The following SDC2 variants were observed in gnomAD, a reference collection of about 807,000 sequenced individuals.
The protein encoded by SDC2 is syndecan 2.
SDC2 carries 13 observed loss-of-function variants against 22.2 expected under a neutral mutation model. That is an observed-to-expected ratio of 0.59 (90% CI 0.38 to 0.93). SDC2 has a LOEUF of 0.93. Among genes scored for constraint, SDC2 ranks in the 40% least tolerant of loss-of-function variants. The pLI is 0.00. For missense variants in SDC2, 235 were observed against 246.8 expected (o/e 0.95, Z 0.32); for synonymous variants, 94 against 92.8 (o/e 1.01, Z -0.07).
In SDC2 at chr8:96,533,723, C is replaced by T. The variant is rs901682463; in HGVS notation, c.60+39392C>T. On this transcript the variant is annotated intron_variant, in intron 1 of 4. Coordinates refer to ENST00000302190, the MANE Select transcript of SDC2 (RefSeq NM_002998.4). ...GTGCTGATTGGTGTATCTGCAATCCCTTAGCTAGACATAAAGGTTCTCCAA... is the reference window on the plus strand; with the variant it reads ...GTGCTGATTGGTGTATCTGCAATCCTTTAGCTAGACATAAAGGTTCTCCAA... Among the ~76,000 whole-genome samples the T allele has an allele frequency of 7.9e-5, 12 of 152,192 alleles. No homozygotes were observed. In the East Asian group the frequency reaches 2.1e-3, roughly 27 times the overall value.
intron 2 of SDC2, among the ~76,000 whole-genome samples, chr8:96,599,187 G>A (rs796817029): frequency 3.6e-4 from 54 of 151,988 alleles, no homozygotes; most frequent in African/African-American, 1.2e-3. Context: ...GTGACCCACC[G>A]GCCTCGGCCT....
At chr8:96,571,021 C>T (rs555445927) in intron 1 of SDC2, among the ~76,000 whole-genome samples, 29 of 152,238 alleles carry the variant, frequency 1.9e-4, no homozygotes, top group Non-Finnish European at 2.6e-4. Flanking sequence ...TACTGAATGC[C>T]GCTGAACTAT....
chr8:96,570,370 T>G (rs1426491220), intron 1 of SDC2, among the ~76,000 whole-genome samples: 1 of 152,166 alleles, frequency 6.6e-6, no homozygotes, highest in Non-Finnish European at 1.5e-5. Context: ...TTAAAGACAT[T>G]TGTCTAGAAA....
intron 1 of SDC2, among the ~76,000 whole-genome samples, chr8:96,546,826 C>A (rs1443688743): frequency 6.6e-6 from 1 of 152,216 alleles, no homozygotes; most frequent in African/African-American, 2.4e-5. Context: ...ACGGTTAGCA[C>A]TCTAACCATG....
At chr8:96,540,509 CAAA>C (rs537444852) in intron 1 of SDC2, among the ~76,000 whole-genome samples, 1 of 133,408 alleles carries the variant, frequency 7.5e-6, no homozygotes, top group African/African-American at 2.8e-5. Flanking sequence ...ACCCCGCCTC[CAAA>C]AAAAAAAAAA....
chr8:96,542,514 C>T (rs1813867954), intron 1 of SDC2, among the ~76,000 whole-genome samples: 1 of 152,096 alleles, frequency 6.6e-6, no homozygotes, highest in Non-Finnish European at 1.5e-5. Context: ...CTTCTGTTTA[C>T]AGCAGAGAAG....
intron 1 of SDC2, among the ~76,000 whole-genome samples, chr8:96,535,912 G>A (rs919813307): frequency 2.0e-5 from 3 of 152,288 alleles, no homozygotes; most frequent in African/African-American, 7.2e-5. Context: ...AGTTAAGTAT[G>A]ACATGAGGCA....
intron 1 of SDC2, among the ~76,000 whole-genome samples, chr8:96,588,419 G>T (rs1353833924): frequency 6.6e-6 from 1 of 152,176 alleles, no homozygotes; most frequent in African/African-American, 2.4e-5. Context: ...TACAATGTGT[G>T]TTGCTAGTAA....
At chr8:96,602,273 A>G in intron 2 of SDC2, 122 bp from the exon 3 acceptor site, 1 of 1,032,958 alleles carries the variant, frequency 9.7e-7, no homozygotes, top group South Asian at 1.6e-5. Context: ...CTGAAGTCTT[A>G]AAGAGCCAGC....
chr8:96,497,557 T>A (rs896467651), intron 1 of SDC2, among the ~76,000 whole-genome samples: 2 of 152,184 alleles, frequency 1.3e-5, no homozygotes, highest in Non-Finnish European at 2.9e-5. Flanking sequence ...AATCATTAGT[T>A]TGGAAAGGAT....
intron 3 of SDC2, among the ~76,000 whole-genome samples, chr8:96,606,113 G>A (rs1202883960): frequency 6.6e-6 from 1 of 152,132 alleles, no homozygotes; most frequent in Non-Finnish European, 1.5e-5. Flanking sequence ...GTAGAGCTGA[G>A]AAGGATTATT....
At chr8:96,585,853 GTTTTTTTTTTTTTTTT>G (rs199970598) in intron 1 of SDC2, among the ~76,000 whole-genome samples, 122,765 of 147,352 alleles carry the variant, frequency 0.83, 51,032 homozygotes, top group Non-Finnish European at 0.89. Flanking sequence ...CTGGCAAGAG[GTTTTTTTTTTTTTTTT>G]TTTTTTTTTG....
chr8:96,503,462 G>GGT (rs1443636952), intron 1 of SDC2, among the ~76,000 whole-genome samples: 3 of 152,014 alleles, frequency 2.0e-5, no homozygotes, highest in Non-Finnish European at 4.4e-5. Context: ...TATTTTAAAA[G>GGT]GTGTGTGTGT....
At chr8:96,593,105 T>C (rs1219846344) in intron 1 of SDC2, among the ~76,000 whole-genome samples, 1 of 152,252 alleles carries the variant, frequency 6.6e-6, no homozygotes, top group Non-Finnish European at 1.5e-5. Flanking sequence ...AAGTGTTTTG[T>C]TCCCTTTCCA....
intron 1 of SDC2, among the ~76,000 whole-genome samples, chr8:96,508,233 T>C (rs1813273253): frequency 6.6e-6 from 1 of 151,432 alleles, no homozygotes; most frequent in East Asian, 1.9e-4. Context: ...GAGGCGGAGC[T>C]TGCAGTGAGC....
At chr8:96,548,382 A>G (rs951197139) in intron 1 of SDC2, among the ~76,000 whole-genome samples, 3 of 152,214 alleles carry the variant, frequency 2.0e-5, no homozygotes, top group African/African-American at 7.2e-5. Context: ...CACAAAGGAA[A>G]TGCTCACGGG....
At chr8:96,531,742 C>A (rs1407350831) in intron 1 of SDC2, among the ~76,000 whole-genome samples, 1 of 152,174 alleles carries the variant, frequency 6.6e-6, no homozygotes. Flanking sequence ...TTTTATAAAT[C>A]TGTTCTGGTA....
At chr8:96,547,320 A>G (rs1380102084) in intron 1 of SDC2, among the ~76,000 whole-genome samples, 2 of 152,226 alleles carry the variant, frequency 1.3e-5, no homozygotes, top group Non-Finnish European at 2.9e-5. Flanking sequence ...AGCTTACACT[A>G]TAAAAGAGTT....
intron 1 of SDC2, among the ~76,000 whole-genome samples, chr8:96,568,559 G>T (rs767164671): frequency 1.3e-5 from 2 of 152,210 alleles, no homozygotes; most frequent in Non-Finnish European, 2.9e-5. Context: ...TGGAGCTCTT[G>T]GTTGGAGTTC....
Sources: gnomAD v4.1 joint callset for allele counts (sites outside exome capture counted in the v4.1 genomes callset) on GRCh38, gnomAD v4.1.1 for gene constraint, MANE v1.5 for transcripts, NCBI Gene and HGNC (gene_info 2026-07-23, HGNC 2026-07-21) for gene names.